The following DCLK2 variants were observed in gnomAD, a reference collection of about 807,000 sequenced individuals.
DCLK2 encodes the protein serine/threonine-protein kinase DCLK2.
In DCLK2, 31 loss-of-function variants were observed where a neutral mutation model predicts 78.4. That is an observed-to-expected ratio of 0.40 (90% CI 0.30 to 0.53). The LOEUF (loss-of-function observed/expected upper bound fraction) is 0.53. DCLK2 is among the 20% of genes least tolerant of loss of function. The pLI, the probability that DCLK2 is intolerant of heterozygous loss-of-function variation, is 0.61. For synonymous variants in DCLK2, 407 were observed against 374.9 expected (o/e 1.09, Z -0.99); for missense variants, 872 against 973.7 (o/e 0.90, Z 1.39).
In DCLK2 at chr4:150,100,710, T is replaced by C. The variant is rs371180725; in HGVS notation, c.422-1768T>C. Among the ~76,000 whole-genome samples, 6 of 152,220 alleles carry C rather than the reference T, an allele frequency of 3.9e-5. No individual in the cohort carries two copies. The East Asian group carries it at 5.8e-4, about 15-fold the overall frequency. On this transcript the variant is annotated intron_variant, in intron 1 of 15. Transcript: ENST00000296550. The stretch of plus-strand genomic sequence containing the variant: ...TGTTTTGCCCATTAATGCATATGTG[T>C]GGTTATAGTTATATTTTATTAAATT...
intron 2 of DCLK2, among the ~76,000 whole-genome samples, chr4:150,137,688 T>C (rs911356321): frequency 6.6e-6 from 1 of 152,162 alleles, no homozygotes; most frequent in African/African-American, 2.4e-5. Flanking sequence ...GGATTATAAA[T>C]AAAGGATTAA....
At chr4:150,132,372 A>G (rs1733378425) in intron 2 of DCLK2, among the ~76,000 whole-genome samples, 1 of 152,366 alleles carries the variant, frequency 6.6e-6, no homozygotes, top group East Asian at 1.9e-4. Flanking sequence ...GAATCAAAGT[A>G]TGCTGGTGGG....
At chr4:150,124,524 T>A (rs1258937614) in intron 2 of DCLK2, among the ~76,000 whole-genome samples, 3 of 152,230 alleles carry the variant, frequency 2.0e-5, no homozygotes, top group Admixed American at 1.3e-4. Context: ...CTGACGTTAG[T>A]TACATGGTTG....
At chr4:150,157,074 G>A (rs2150237358) in intron 2 of DCLK2, among the ~76,000 whole-genome samples, 1 of 151,590 alleles carries the variant, frequency 6.6e-6, no homozygotes, top group South Asian at 2.1e-4. Context: ...ACAGCCAGGA[G>A]TTACTATTTT....
At chr4:150,236,025 G>GAGAGA (rs1742475740) in intron 10 of DCLK2, among the ~76,000 whole-genome samples, 2 of 152,186 alleles carry the variant, frequency 1.3e-5, no homozygotes, top group African/African-American at 4.8e-5. Flanking sequence ...GGGGATAGGA[G>GAGAGA]AGAGAAGAGA....
intron 15 of DCLK2, chr4:150,253,580 C>T: frequency 7.8e-7 from 1 of 1,289,366 alleles, no homozygotes; most frequent in Non-Finnish European, 1.0e-6. Flanking sequence ...TGCGTCCGAC[C>T]AGCGCGCCCC....
chr4:150,240,541 A>G, intron 12 of DCLK2, 65 bp downstream of exon 12: 2 of 1,334,570 alleles, frequency 1.5e-6, no homozygotes, highest in Admixed American at 1.9e-5. Flanking sequence ...AGAAGCAGGT[A>G]CTTTGCTCCT....
chr4:150,229,847 T>C (rs998792232), intron 8 of DCLK2, among the ~76,000 whole-genome samples: 3 of 152,202 alleles, frequency 2.0e-5, no homozygotes, highest in Admixed American at 1.3e-4. Context: ...AAGTTCAGTA[T>C]GGCTCAAGAC....
chr4:150,121,092 A>C (rs1157351576), intron 2 of DCLK2, among the ~76,000 whole-genome samples: 1 of 152,060 alleles, frequency 6.6e-6, no homozygotes, highest in Non-Finnish European at 1.5e-5. Context: ...ACTGACAATC[A>C]TCTGAGCCTT....
chr4:150,116,501 G>A (rs1732106058), intron 2 of DCLK2, among the ~76,000 whole-genome samples: 1 of 152,162 alleles, frequency 6.6e-6, no homozygotes, highest in South Asian at 2.1e-4. Context: ...AGTCCCTGAG[G>A]ATCAGACCAC....
intron 2 of DCLK2, among the ~76,000 whole-genome samples, chr4:150,110,353 A>G (rs1731583077): frequency 6.6e-6 from 1 of 152,352 alleles, no homozygotes; most frequent in African/African-American, 2.4e-5. Flanking sequence ...AATGGTTATC[A>G]CAATATTAAT....
chr4:150,252,046 G>A (rs886436470), intron 15 of DCLK2, among the ~76,000 whole-genome samples: 4 of 152,160 alleles, frequency 2.6e-5, no homozygotes, highest in African/African-American at 9.7e-5. Flanking sequence ...AAGGCCTTTT[G>A]AGTTGTGGTT....
At chr4:150,081,870 C>T (rs1410207986) in intron 1 of DCLK2, among the ~76,000 whole-genome samples, 2 of 150,150 alleles carry the variant, frequency 1.3e-5, no homozygotes, top group South Asian at 2.1e-4. Flanking sequence ...TGGCGGCAGG[C>T]GCCTGCAGTC....
chr4:150,242,092 T>A (rs1170513359), intron 12 of DCLK2, among the ~76,000 whole-genome samples: 2 of 152,254 alleles, frequency 1.3e-5, no homozygotes, highest in Non-Finnish European at 2.9e-5. Context: ...ATTATCTTTT[T>A]AAAATTCTCG....
At chr4:150,176,240 C>T (rs6821618) in intron 2 of DCLK2, among the ~76,000 whole-genome samples, 86,667 of 152,008 alleles carry the variant, frequency 0.57, 26,910 homozygotes, top group South Asian at 0.77. Flanking sequence ...AGCCCTGAGC[C>T]TGGAGTCCCT....
At chr4:150,184,942 C>T (rs1293220528) in intron 2 of DCLK2, among the ~76,000 whole-genome samples, 4 of 152,126 alleles carry the variant, frequency 2.6e-5, no homozygotes, top group Non-Finnish European at 4.4e-5. Context: ...ACACCCCACT[C>T]GGGTTCAGAA....
chr4:150,185,860 A>C (rs2126312746), intron 2 of DCLK2, among the ~76,000 whole-genome samples: 1 of 152,308 alleles, frequency 6.6e-6, no homozygotes, highest in African/African-American at 2.4e-5. Flanking sequence ...GCTGGCACCT[A>C]TTCACCCTAA....
Position 150,123,890 on chromosome 4 carries a change from A to T in DCLK2, c.756+21078A>T, listed in dbSNP as rs191768771. ...ACCTCATCTCTACAAAAAATTAAAA[A>T]GTAGCCGGGTGTGGTAGCACATGCT... is the stretch of plus-strand genomic sequence containing the variant. On this transcript the variant is annotated intron_variant, in intron 2 of 15. Coordinates refer to ENST00000296550, the MANE Select transcript of DCLK2 (RefSeq NM_001040260.4). 1.8e-3 allele frequency among the ~76,000 whole-genome samples: 274 copies of T among 152,186 alleles called. 1 individual carries two copies. The highest frequency in any genetic ancestry group is 6.3e-3 in the African/African-American group (260 of 41,532).
intron 2 of DCLK2, among the ~76,000 whole-genome samples, chr4:150,125,474 A>G (rs1732856391): frequency 6.6e-6 from 1 of 152,242 alleles, no homozygotes; most frequent in South Asian, 2.1e-4. Context: ...TATGATATAG[A>G]AGTAAAACAT....
Sources: gnomAD v4.1 joint callset for allele counts (sites outside exome capture counted in the v4.1 genomes callset) on GRCh38, gnomAD v4.1.1 for gene constraint, MANE v1.5 for transcripts, NCBI Gene and HGNC (gene_info 2026-07-23, HGNC 2026-07-21) for gene names.